Variants in BMP2K observed in about 807,000 individuals in gnomAD.
The protein encoded by BMP2K is BMP-2-inducible protein kinase.
In BMP2K, 74 loss-of-function variants were observed where a neutral mutation model predicts 116.0. The observed-to-expected ratio is 0.64, with a 90% confidence interval of 0.53 to 0.77. The LOEUF (loss-of-function observed/expected upper bound fraction) is 0.77, where lower values mean the gene tolerates loss of function less well. BMP2K is among the 30% of genes least tolerant of loss of function. BMP2K has a pLI of 0.00. For missense variants in BMP2K, 1,365 were observed against 1,403.6 expected (o/e 0.97, Z 0.44); for synonymous variants, 486 against 502.5 (o/e 0.97, Z 0.44).
intron 15 of BMP2K, among the ~76,000 whole-genome samples, chr4:78,893,928 A>G (rs1471305014): frequency 5.3e-5 from 8 of 152,224 alleles, no homozygotes; most frequent in Admixed American, 5.2e-4. Context: ...TTATTTTAGC[A>G]GGCATGAAAA....
intron 15 of BMP2K, among the ~76,000 whole-genome samples, chr4:78,890,554 A>G (rs1045826285): frequency 1.3e-4 from 20 of 152,004 alleles, no homozygotes; most frequent in Non-Finnish European, 1.5e-5. Context: ...CCATGATCAC[A>G]TTTCCTGTCT....
At chr4:78,872,456 G>A (rs1038355357) in intron 12 of BMP2K, 158 bp from the exon 13 acceptor site, 2 of 596,504 alleles carry the variant, frequency 3.4e-6, no homozygotes, top group Non-Finnish European at 5.5e-6. Flanking sequence ...TCATCTTGCT[G>A]TAGTTTTCTA....
At chr4:78,894,910 CAG>C (rs1203705101) in intron 15 of BMP2K, among the ~76,000 whole-genome samples, 3 of 152,116 alleles carry the variant, frequency 2.0e-5, no homozygotes, top group Admixed American at 2.0e-4. Flanking sequence ...TGTTGTGTCT[CAG>C]GGAATAGGGA....
At chr4:78,873,353 T>C (rs1732467031) in intron 13 of BMP2K, among the ~76,000 whole-genome samples, 1 of 152,212 alleles carries the variant, frequency 6.6e-6, no homozygotes, top group Admixed American at 6.5e-5. Context: ...ATAACTTTGG[T>C]ACAAAATTTC....
At chr4:78,883,259 T>G (rs1466452881) in intron 14 of BMP2K, among the ~76,000 whole-genome samples, 1 of 152,114 alleles carries the variant, frequency 6.6e-6, no homozygotes, top group Non-Finnish European at 1.5e-5. Flanking sequence ...TAAAAACATT[T>G]TAGGGTTGAC....
chr4:78,800,437 A>T (rs1204153082), intron 1 of BMP2K, among the ~76,000 whole-genome samples: 1 of 152,144 alleles, frequency 6.6e-6, no homozygotes, highest in East Asian at 1.9e-4. Context: ...CTTAATTACC[A>T]TGTTTCCTAA....
At chr4:78,832,302 T>G (rs1235509214) in intron 2 of BMP2K, among the ~76,000 whole-genome samples, 1 of 152,176 alleles carries the variant, frequency 6.6e-6, no homozygotes, top group Admixed American at 6.5e-5. Flanking sequence ...AGGAAAGTAT[T>G]TTTCCGCATT....
chr4:78,892,126 T>C (rs1458771797), intron 15 of BMP2K, among the ~76,000 whole-genome samples: 1 of 152,210 alleles, frequency 6.6e-6, no homozygotes, highest in East Asian at 1.9e-4. Flanking sequence ...TTGGGAAATG[T>C]TACTTGTACT....
At chr4:78,779,266 T>G (rs1727392419) in intron 1 of BMP2K, among the ~76,000 whole-genome samples, 4 of 152,234 alleles carry the variant, frequency 2.6e-5, no homozygotes, top group Middle Eastern at 3.2e-3. Context: ...TAAATACACC[T>G]TATTTAATAT....
chr4:78,786,366 C>CCA (rs1727727740), intron 1 of BMP2K, among the ~76,000 whole-genome samples: 1 of 151,638 alleles, frequency 6.6e-6, no homozygotes, highest in Admixed American at 6.6e-5. Flanking sequence ...TTCCCAGTCT[C>CCA]CATAACAGTA....
intron 1 of BMP2K, among the ~76,000 whole-genome samples, chr4:78,814,282 C>A (rs1729224002): frequency 6.6e-6 from 1 of 152,204 alleles, no homozygotes; most frequent in Admixed American, 6.5e-5. Flanking sequence ...AGCTCTTCCT[C>A]CCTTACTGTC....
intron 15 of BMP2K, among the ~76,000 whole-genome samples, chr4:78,907,386 CAATGTAAT>C (rs1734337818): frequency 6.6e-6 from 1 of 152,158 alleles, no homozygotes; most frequent in African/African-American, 2.4e-5. Flanking sequence ...CTAGGGAGTA[CAATGTAAT>C]AATTTTAAAA....
chr4:78,795,305 G>A (rs1175903530), intron 1 of BMP2K, among the ~76,000 whole-genome samples: 1 of 152,112 alleles, frequency 6.6e-6, no homozygotes, highest in Non-Finnish European at 1.5e-5. Context: ...AACATGAGAA[G>A]AGCTCTCTAA....
At chr4:78,887,085 C>T in intron 14 of BMP2K, 89 bp from the exon 15 acceptor site, 1 of 921,128 alleles carries the variant, frequency 1.1e-6, no homozygotes, top group Non-Finnish European at 1.6e-6. Flanking sequence ...CTTTAATTTT[C>T]ACTTTTATTT....
chr4:78,815,352 G>A (rs73830206), intron 1 of BMP2K, among the ~76,000 whole-genome samples: 174 of 152,170 alleles, frequency 1.1e-3, no homozygotes, highest in African/African-American at 4.1e-3. Context: ...TGAAGGTATA[G>A]CATGAAGCCT....
chr4:78,851,096 C>T, intron 7 of BMP2K, 40 bp downstream of exon 7: 2 of 1,551,640 alleles, frequency 1.3e-6, no homozygotes, highest in Non-Finnish European at 1.7e-6. Flanking sequence ...TTGTAGGATA[C>T]TGTACTTAGG....
At chr4:78,808,037 T>C (rs1359832344) in intron 1 of BMP2K, among the ~76,000 whole-genome samples, 1 of 152,000 alleles carries the variant, frequency 6.6e-6, no homozygotes. Flanking sequence ...GAATAGTATG[T>C]CTTGGCTTTT....
At chr4:78,818,393 A>G (rs1235691095) in intron 1 of BMP2K, among the ~76,000 whole-genome samples, 1 of 152,200 alleles carries the variant, frequency 6.6e-6, no homozygotes, top group Non-Finnish European at 1.5e-5. Context: ...GTGTAAAAGC[A>G]TTCCTGTTTC....
chr4:78,866,414 G>A (rs1282009459), intron 10 of BMP2K, among the ~76,000 whole-genome samples: 1 of 152,102 alleles, frequency 6.6e-6, no homozygotes, highest in Non-Finnish European at 1.5e-5. Context: ...TACCCTAATG[G>A]TTAAGAGTGT....
Sources: gnomAD v4.1 joint callset for allele counts (sites outside exome capture counted in the v4.1 genomes callset) on GRCh38, gnomAD v4.1.1 for gene constraint, MANE v1.5 for transcripts, NCBI Gene and HGNC (gene_info 2026-07-23, HGNC 2026-07-21) for gene names.